The following SEMA3E variants were observed in gnomAD, a reference collection of about 807,000 sequenced individuals.
SEMA3E encodes the protein semaphorin 3E, also known as semaphorin-3E.
SEMA3E carries 49 observed loss-of-function variants against 93.6 expected under a neutral mutation model. The observed-to-expected ratio is 0.52, with a 90% CI of 0.42 to 0.66. SEMA3E has a LOEUF of 0.66. Ranked by LOEUF, SEMA3E falls within the 30% of genes least tolerant of loss-of-function variation. The probability of loss-of-function intolerance (pLI) is 0.00; values close to 1 mark genes in which losing one functional copy is unlikely to be tolerated. For synonymous variants in SEMA3E, 363 were observed against 330.7 expected (o/e 1.10, Z -1.06); for missense variants, 906 against 964.8 (o/e 0.94, Z 0.81).
chr7:83,554,222 A>G (rs1035672024), intron 1 of SEMA3E, among the ~76,000 whole-genome samples: 3 of 152,312 alleles, frequency 2.0e-5, no homozygotes, highest in African/African-American at 4.8e-5. Context: ...TTTCATGACC[A>G]AAGTAACAAT....
At chr7:83,380,202 CA>C (rs932098224) in intron 16 of SEMA3E, among the ~76,000 whole-genome samples, 52 of 151,882 alleles carry the variant, frequency 3.4e-4, no homozygotes, top group Middle Eastern at 3.4e-3. Context: ...TCTTTTTTCT[CA>C]AATATGAAAT....
intron 1 of SEMA3E, among the ~76,000 whole-genome samples, chr7:83,514,235 T>A (rs1790883231): frequency 6.6e-6 from 1 of 152,100 alleles, no homozygotes; most frequent in East Asian, 1.9e-4. Context: ...GAAATAACCA[T>A]AAAAATGGGC....
At position 83,408,401 on chromosome 7, in the gene SEMA3E, G is replaced by A. The variant is rs1240271605; in HGVS notation, c.637C>T (p.Arg213Cys). 2 of 1,613,606 alleles carry A rather than the reference G, an allele frequency of 1.2e-6. No individual in the cohort carries two copies. Among genetic ancestry groups the A allele is most frequent in the South Asian group, 1.1e-5 (1 of 91,080 alleles). ...AGACGCTCATCGTCATGCTCAGTGC[G>A]GATATGGGCCAGTCGCCCCATGCTG... ...FRSMGRLAHIRTEHDDERLLK... is the reference protein window; with the variant it reads ...FRSMGRLAHICTEHDDERLLK... Residue 213 changes from arginine (R) to cysteine (C), a missense_variant, in exon 6 of 17, where the codon CGC (arginine) becomes TGC (cysteine). Physicochemically the swap from Arg to Cys is radical, Grantham distance 180 (BLOSUM62 -3). Transcript: ENST00000643230.
At chr7:83,502,511 C>G (rs1790615370) in intron 1 of SEMA3E, among the ~76,000 whole-genome samples, 1 of 152,080 alleles carries the variant, frequency 6.6e-6, no homozygotes, top group African/African-American at 2.4e-5. Flanking sequence ...TCCTTCTGAC[C>G]TCCATGCTGT....
chr7:83,621,010 T>C (rs961865196), intron 1 of SEMA3E, among the ~76,000 whole-genome samples: 3 of 151,912 alleles, frequency 2.0e-5, no homozygotes, highest in Non-Finnish European at 4.4e-5. Flanking sequence ...TCAGGGAACA[T>C]AAAGAAATAA....
intron 1 of SEMA3E, among the ~76,000 whole-genome samples, chr7:83,613,653 A>G (rs1266354985): frequency 6.6e-6 from 1 of 152,140 alleles, no homozygotes; most frequent in African/African-American, 2.4e-5. Context: ...TGTTTGGATC[A>G]TATCTTATTC....
In SEMA3E at chr7:83,583,777, A is replaced by G. The variant is rs922919210; in HGVS notation, c.115+64651T>C. Among the ~76,000 whole-genome samples the G allele has an allele frequency of 7.2e-5, 11 of 152,166 alleles. No homozygotes were observed. The South Asian group carries it at 1.2e-3, about 17-fold the overall frequency. ...CCTTGAAAATTTCCCTCATTATTAA[A>G]AAGATACATTCAAGAAGAGATAATT... On this transcript the variant is annotated intron_variant, in intron 1 of 16. Transcript: ENST00000643230.
At chr7:83,453,693 T>C (rs1026458332) in intron 4 of SEMA3E, among the ~76,000 whole-genome samples, 1 of 152,108 alleles carries the variant, frequency 6.6e-6, no homozygotes, top group African/African-American at 2.4e-5. Context: ...TATATATTAT[T>C]TTCACATAAA....
intron 16 of SEMA3E, among the ~76,000 whole-genome samples, chr7:83,370,701 A>G (rs1349560101): frequency 1.3e-5 from 2 of 151,900 alleles, no homozygotes; most frequent in African/African-American, 4.8e-5. Flanking sequence ...CCTTTCTCAC[A>G]CCCTGTAAAA....
intron 1 of SEMA3E, among the ~76,000 whole-genome samples, chr7:83,503,695 C>T (rs1265088357): frequency 2.0e-5 from 3 of 152,112 alleles, no homozygotes; most frequent in African/African-American, 7.2e-5. Context: ...GTGATGAAAA[C>T]TATAAGCAAT....
intron 4 of SEMA3E, among the ~76,000 whole-genome samples, chr7:83,464,319 G>T (rs1177601118): frequency 1.3e-5 from 2 of 151,372 alleles, no homozygotes; most frequent in African/African-American, 4.9e-5. Context: ...CTGTATAGAC[G>T]CTCCTTTTTA....
At chr7:83,648,051 A>T (rs967554941) in intron 1 of SEMA3E, among the ~76,000 whole-genome samples, 1 of 152,172 alleles carries the variant, frequency 6.6e-6, no homozygotes, top group African/African-American at 2.4e-5. Flanking sequence ...TGTTTCTCAT[A>T]TGCATAAACT....
chr7:83,523,833 T>G (rs17157707), intron 1 of SEMA3E, among the ~76,000 whole-genome samples: 19,778 of 152,142 alleles, frequency 0.13, 1,790 homozygotes, highest in African/African-American at 0.24. Context: ...TAAGATTAAA[T>G]GCTGCATTAT....
intron 4 of SEMA3E, among the ~76,000 whole-genome samples, chr7:83,460,172 GTCC>G (rs1356669083): frequency 6.6e-6 from 1 of 152,134 alleles, no homozygotes; most frequent in Admixed American, 6.5e-5. Context: ...TCAATTCCCT[GTCC>G]TCCTGTTCTT....
chr7:83,648,682 A>G lies in SEMA3E; in HGVS notation c.-140T>C, dbSNP rs1308579419. On this transcript the variant is annotated 5_prime_UTR_variant, in exon 1 of 17. Coordinates refer to ENST00000643230, the MANE Select transcript of SEMA3E (RefSeq NM_012431.3). ...TTGTCATCAGAAAGCACAGTTCCGA[A>G]GTGCCATTTGTCAGGCTGTATTTGG... 1.4e-6 allele frequency: 1 copy of G among 721,014 alleles called. No individual in the cohort carries two copies. The highest frequency in any genetic ancestry group is 1.7e-5 in the African/African-American group (1 of 57,160). The allele number at this position is 721,014 out of a possible 1,614,324, so 44.7% of individuals were successfully genotyped here.
At chr7:83,539,855 C>CTGTGTGTGTGTGTGTGTG (rs59200828) in intron 1 of SEMA3E, among the ~76,000 whole-genome samples, 1,449 of 122,612 alleles carry the variant, frequency 0.012, 35 homozygotes, top group East Asian at 0.019. Context: ...TTTGTTGTTT[C>CTGTGTGTGTGTGTGTGTG]TGTGTGTGTG....
intron 10 of SEMA3E, among the ~76,000 whole-genome samples, chr7:83,402,311 C>T (rs1261049584): frequency 6.6e-6 from 1 of 151,922 alleles, no homozygotes; most frequent in Non-Finnish European, 1.5e-5. Flanking sequence ...ATACGATGTT[C>T]ATGTTACTGA....
At chr7:83,620,712 TTCA>T (rs1355925775) in intron 1 of SEMA3E, among the ~76,000 whole-genome samples, 2 of 152,142 alleles carry the variant, frequency 1.3e-5, no homozygotes, top group Non-Finnish European at 2.9e-5. Context: ...TCAAATGTAA[TTCA>T]TCACGTAAAC....
chr7:83,474,311 G>T (rs1466096127), intron 2 of SEMA3E, among the ~76,000 whole-genome samples: 1 of 151,902 alleles, frequency 6.6e-6, no homozygotes, highest in South Asian at 2.1e-4. Flanking sequence ...AGTGATAAAT[G>T]CTATCTGATT....
Sources: gnomAD v4.1 joint callset for allele counts (sites outside exome capture counted in the v4.1 genomes callset) on GRCh38, gnomAD v4.1.1 for gene constraint, MANE v1.5 for transcripts, NCBI Gene and HGNC (gene_info 2026-07-23, HGNC 2026-07-21) for gene names.